Variants in DCDC1 observed in about 807,000 individuals in gnomAD.
The protein encoded by DCDC1 is doublecortin domain-containing protein 1.
Under a neutral mutation model 178.3 loss-of-function variants are expected in DCDC1, and 200 were observed. That is an observed-to-expected ratio of 1.12 (90% CI 1.00 to 1.26). The LOEUF is 1.26. DCDC1 is among the 50% of genes most tolerant of loss of function. DCDC1 has a pLI of 0.00. For missense variants in DCDC1, 1,983 were observed against 1,749.2 expected (o/e 1.13, Z -2.38); for synonymous variants, 690 against 604.8 (o/e 1.14, Z -2.07).
At chr11:31,279,341 T>A (rs1946247140) in intron 7 of DCDC1, among the ~76,000 whole-genome samples, 1 of 152,168 alleles carries the variant, frequency 6.6e-6, no homozygotes. Flanking sequence ...TTCTACAGTT[T>A]TATGTTTCTG....
At chr11:31,082,636 T>A (rs925371723) in intron 17 of DCDC1, among the ~76,000 whole-genome samples, 1 of 151,380 alleles carries the variant, frequency 6.6e-6, no homozygotes, top group Non-Finnish European at 1.5e-5. Flanking sequence ...ATGTGTGTAA[T>A]ACATCTACAC....
At chr11:31,258,672 T>G (rs568469330) in intron 8 of DCDC1, among the ~76,000 whole-genome samples, 1 of 152,122 alleles carries the variant, frequency 6.6e-6, no homozygotes, top group Admixed American at 6.5e-5. Flanking sequence ...CCTTAGCACA[T>G]AAGCCTCAGA....
At position 31,328,688 on chromosome 11, in the gene DCDC1, G is replaced by A. The variant is rs140773817; in HGVS notation, c.-6-402C>T. Among the ~76,000 whole-genome samples the A allele has an allele frequency of 1.6e-3, 243 of 151,944 alleles. 1 individual carries two copies. Among genetic ancestry groups the A allele is most frequent in the Non-Finnish European group, 2.0e-3 (134 of 67,966 alleles). ...CCGGGTGTGGTGGTGGCAGGTGCCT[G>A]TAGTCCCAGCTACTTGGGAGGCTGA... is the stretch of plus-strand genomic sequence containing the variant. On this transcript the variant is annotated intron_variant, in intron 2 of 38. Transcript: ENST00000684477.
At chr11:30,926,168 T>G (rs1329736133) in intron 22 of DCDC1, among the ~76,000 whole-genome samples, 1 of 152,086 alleles carries the variant, frequency 6.6e-6, no homozygotes, top group Non-Finnish European at 1.5e-5. Context: ...GGAAAACAAT[T>G]TTTCCAGAGA....
intron 9 of DCDC1, among the ~76,000 whole-genome samples, chr11:31,162,281 T>C (rs924090614): frequency 4.6e-5 from 7 of 152,142 alleles, no homozygotes; most frequent in African/African-American, 1.7e-4. Context: ...AAATTAGATA[T>C]ATGGGTAATT....
At chr11:31,109,644 AAAGGC>A (rs1168113186) in intron 12 of DCDC1, among the ~76,000 whole-genome samples, 2 of 152,196 alleles carry the variant, frequency 1.3e-5, no homozygotes, top group African/African-American at 2.4e-5. Context: ...GTTACTGAAC[AAAGGC>A]AAGGCAAGAG....
intron 35 of DCDC1, 23 bp downstream of exon 35, chr11:30,894,225 G>GT: frequency 6.2e-7 from 1 of 1,600,624 alleles, no homozygotes; most frequent in Non-Finnish European, 8.5e-7. Flanking sequence ...AGTCTTTAAT[G>GT]TCCAGAATCC....
At chr11:30,888,060 AAGAGAGAGAGAG>A (rs59618526) in intron 36 of DCDC1, among the ~76,000 whole-genome samples, 1 of 73,456 alleles carries the variant, frequency 1.4e-5, no homozygotes, top group African/African-American at 6.8e-5. Context: ...GAAAGAAAGA[AAGAGAGAGAGAG>A]AGAGAGAGAG....
chr11:31,149,009 C>G (rs1185479386), intron 9 of DCDC1, among the ~76,000 whole-genome samples: 1 of 152,116 alleles, frequency 6.6e-6, no homozygotes, highest in African/African-American at 2.4e-5. Flanking sequence ...TTTTCCATTA[C>G]TGAGTTACCT....
At chr11:31,358,759 C>T (rs1197915802) in intron 1 of DCDC1, among the ~76,000 whole-genome samples, 1 of 152,136 alleles carries the variant, frequency 6.6e-6, no homozygotes, top group Non-Finnish European at 1.5e-5. Flanking sequence ...ACAACCCCAT[C>T]AAAAAGTGGG....
chr11:31,241,651 A>G, intron 8 of DCDC1, 35 bp from the exon 9 acceptor site: 1 of 396,008 alleles, frequency 2.5e-6, no homozygotes, highest in East Asian at 3.6e-5. Flanking sequence ...AATTCTTTTG[A>G]CCCAACCCAA....
chr11:31,180,800 G>T (rs577919625), intron 9 of DCDC1, among the ~76,000 whole-genome samples: 2 of 152,148 alleles, frequency 1.3e-5, no homozygotes, highest in African/African-American at 4.8e-5. Flanking sequence ...TGAGCTAGCT[G>T]CAGGAGTTTT....
intron 38 of DCDC1, 150 bp downstream of exon 38, chr11:30,878,394 C>A: frequency 1.5e-6 from 1 of 656,570 alleles, no homozygotes; most frequent in Non-Finnish European, 2.3e-6. Context: ...GTCAAGGCTG[C>A]AGTAAGCTGT....
At chr11:31,233,047 C>T (rs1432648802) in intron 9 of DCDC1, among the ~76,000 whole-genome samples, 1 of 150,946 alleles carries the variant, frequency 6.6e-6, no homozygotes, top group Non-Finnish European at 1.5e-5. Flanking sequence ...AAGTTCGTGC[C>T]ACTGCACTCC....
intron 20 of DCDC1, among the ~76,000 whole-genome samples, chr11:30,993,163 G>A (rs959437294): frequency 2.6e-5 from 4 of 152,018 alleles, no homozygotes; most frequent in Non-Finnish European, 5.9e-5. Context: ...AAAATACTAT[G>A]TGTAATTTAC....
intron 9 of DCDC1, among the ~76,000 whole-genome samples, chr11:31,202,305 G>A (rs895754459): frequency 2.0e-5 from 3 of 152,106 alleles, no homozygotes; most frequent in Admixed American, 6.6e-5. Flanking sequence ...GCTCACGCCT[G>A]TAATCCCAAC....
At chr11:30,932,831 G>A (rs193276020) in intron 21 of DCDC1, among the ~76,000 whole-genome samples, 3 of 152,254 alleles carry the variant, frequency 2.0e-5, no homozygotes, top group African/African-American at 7.2e-5. Context: ...TGATGCTGGG[G>A]CAATAAAAGG....
chr11:30,920,467 G>GT (rs1467356740), intron 25 of DCDC1, among the ~76,000 whole-genome samples: 4 of 152,108 alleles, frequency 2.6e-5, no homozygotes, highest in Non-Finnish European at 5.9e-5. Context: ...AATTTATCCT[G>GT]AAGTCAATGA....
At chr11:30,879,937 C>A (rs553960229) in intron 37 of DCDC1, among the ~76,000 whole-genome samples, 3 of 151,798 alleles carry the variant, frequency 2.0e-5, no homozygotes, top group Non-Finnish European at 2.9e-5. Flanking sequence ...GAAGACTAAG[C>A]CTAGATAATG....
Sources: allele counts gnomAD v4.1 joint callset (sites outside exome capture counted in the v4.1 genomes callset), GRCh38; gene constraint gnomAD v4.1.1; transcripts MANE v1.5; gene names NCBI Gene and HGNC (gene_info 2026-07-23, HGNC 2026-07-21).